The following NKAIN2 variants were observed in gnomAD, a reference collection of about 807,000 sequenced individuals.
The protein encoded by NKAIN2 is sodium/potassium-transporting ATPase subunit beta-1-interacting protein 2.
In NKAIN2, 14 loss-of-function variants were observed where a neutral mutation model predicts 32.6. The observed-to-expected ratio is 0.43, with a 90% CI of 0.28 to 0.67. NKAIN2 has a LOEUF of 0.67. Ranked by LOEUF, NKAIN2 falls within the 30% of genes least tolerant of loss-of-function variation. The pLI is 0.17. For missense variants in NKAIN2, 198 were observed against 258.3 expected (o/e 0.77, Z 1.60); for synonymous variants, 80 against 87.2 (o/e 0.92, Z 0.46).
chr6:124,042,050 A>C (rs1387053743), intron 1 of NKAIN2, among the ~76,000 whole-genome samples: 2 of 152,126 alleles, frequency 1.3e-5, no homozygotes, highest in Non-Finnish European at 2.9e-5. Context: ...TGTTTTCACC[A>C]TCTGAATGTC....
At chr6:124,526,000 A>T (rs187705081) in intron 3 of NKAIN2, among the ~76,000 whole-genome samples, 1 of 152,228 alleles carries the variant, frequency 6.6e-6, no homozygotes, top group African/African-American at 2.4e-5. Flanking sequence ...GTAGTTAAAA[A>T]ATGTATATTG....
chr6:124,099,687 T>C (rs936561986), intron 1 of NKAIN2, among the ~76,000 whole-genome samples: 2 of 152,178 alleles, frequency 1.3e-5, no homozygotes, highest in Non-Finnish European at 2.9e-5. Flanking sequence ...CTTTTGACTA[T>C]TGACTGTTAC....
chr6:124,323,580 C>G (rs1454346758), intron 2 of NKAIN2, among the ~76,000 whole-genome samples: 5 of 151,992 alleles, frequency 3.3e-5, no homozygotes, highest in East Asian at 1.9e-4. Flanking sequence ...ACTTTTGTAC[C>G]TTTCTCAAAA....
intron 4 of NKAIN2, among the ~76,000 whole-genome samples, chr6:124,722,903 C>T (rs1217169646): frequency 1.3e-5 from 2 of 152,138 alleles, no homozygotes; most frequent in Admixed American, 1.3e-4. Context: ...ATTTTTAGAT[C>T]TACTATTTTA....
chr6:124,542,195 T>A (rs1349002994), intron 3 of NKAIN2, among the ~76,000 whole-genome samples: 3 of 152,126 alleles, frequency 2.0e-5, no homozygotes, highest in South Asian at 2.1e-4. Flanking sequence ...ATAATTTAAA[T>A]ATGTTGCATT....
intron 3 of NKAIN2, among the ~76,000 whole-genome samples, chr6:124,373,901 G>A (rs1799874817): frequency 6.6e-6 from 1 of 152,130 alleles, no homozygotes; most frequent in Non-Finnish European, 1.5e-5. Flanking sequence ...ATGAGGTCTT[G>A]TAGTAAGATG....
intron 1 of NKAIN2, among the ~76,000 whole-genome samples, chr6:123,950,525 A>G (rs988212277): frequency 1.3e-5 from 2 of 151,906 alleles, no homozygotes; most frequent in African/African-American, 4.8e-5. Context: ...TCTTTCTGAA[A>G]TATAAATTCC....
At chr6:123,875,256 T>C (rs1311527794) in intron 1 of NKAIN2, among the ~76,000 whole-genome samples, 1 of 151,986 alleles carries the variant, frequency 6.6e-6, no homozygotes, top group Non-Finnish European at 1.5e-5. Flanking sequence ...AATGGAGTTA[T>C]TTGGTTAAAA....
intron 3 of NKAIN2, among the ~76,000 whole-genome samples, chr6:124,560,356 A>G (rs527497492): frequency 4.6e-5 from 7 of 152,268 alleles, no homozygotes; most frequent in Non-Finnish European, 1.0e-4. Context: ...CATGATTGTA[A>G]GTTTCCTGAG....
At chr6:124,171,393 T>TA (rs1486662670) in intron 1 of NKAIN2, among the ~76,000 whole-genome samples, 2 of 152,082 alleles carry the variant, frequency 1.3e-5, no homozygotes, top group African/African-American at 2.4e-5. Flanking sequence ...ATAAAAGATA[T>TA]AAGTTAGAAA....
chr6:123,968,643 G>A (rs1241952126), intron 1 of NKAIN2, among the ~76,000 whole-genome samples: 2 of 152,086 alleles, frequency 1.3e-5, no homozygotes, highest in African/African-American at 4.8e-5. Flanking sequence ...TGCATCTTCT[G>A]CTACTCTATG....
At chr6:124,297,121 A>C (rs1472584805) in intron 2 of NKAIN2, among the ~76,000 whole-genome samples, 1 of 152,176 alleles carries the variant, frequency 6.6e-6, no homozygotes, top group Non-Finnish European at 1.5e-5. Context: ...AATTATGAAA[A>C]CTGTTATACA....
intron 1 of NKAIN2, among the ~76,000 whole-genome samples, chr6:124,247,453 G>A (rs1562448719): frequency 6.6e-6 from 1 of 152,142 alleles, no homozygotes; most frequent in Non-Finnish European, 1.5e-5. Context: ...TCATAAACTT[G>A]AGAATTTAAT....
chr6:124,631,117 G>T (rs1023771257), intron 3 of NKAIN2, among the ~76,000 whole-genome samples: 1 of 152,098 alleles, frequency 6.6e-6, no homozygotes, highest in Non-Finnish European at 1.5e-5. Flanking sequence ...TCACTGATCG[G>T]TGAAAAATTA....
intron 3 of NKAIN2, among the ~76,000 whole-genome samples, chr6:124,426,785 A>G (rs1357352469): frequency 6.6e-6 from 1 of 152,306 alleles, no homozygotes; most frequent in Non-Finnish European, 1.5e-5. Context: ...TAATTGAATC[A>G]TGGCAGTGGG....
chr6:124,067,418 T>A (rs1167411513), intron 1 of NKAIN2, among the ~76,000 whole-genome samples: 1 of 152,118 alleles, frequency 6.6e-6, no homozygotes, highest in South Asian at 2.1e-4. Context: ...CCACATTCCA[T>A]TATGAGAAAC....
chr6:123,858,983 G>A (rs888445002), intron 1 of NKAIN2, among the ~76,000 whole-genome samples: 1 of 152,072 alleles, frequency 6.6e-6, no homozygotes, highest in Non-Finnish European at 1.5e-5. Flanking sequence ...ATTGACATAT[G>A]TGTGTTTCAT....
intron 4 of NKAIN2, among the ~76,000 whole-genome samples, chr6:124,768,841 G>A (rs1375224737): frequency 6.6e-6 from 1 of 152,074 alleles, no homozygotes; most frequent in Non-Finnish European, 1.5e-5. Context: ...CCTGTGTTGT[G>A]TTTCTTTCCA....
At chr6:124,406,688 A>G (rs1261756109) in intron 3 of NKAIN2, among the ~76,000 whole-genome samples, 1 of 152,070 alleles carries the variant, frequency 6.6e-6, no homozygotes, top group Non-Finnish European at 1.5e-5. Context: ...GTACCATTTT[A>G]CGTTCTTACA....
Sources: gnomAD v4.1 joint callset for allele counts (sites outside exome capture counted in the v4.1 genomes callset) on GRCh38, gnomAD v4.1.1 for gene constraint, MANE v1.5 for transcripts, NCBI Gene and HGNC (gene_info 2026-07-23, HGNC 2026-07-21) for gene names.